Variants in TEX36 observed in about 807,000 individuals in gnomAD.
The protein encoded by TEX36 is testis expressed 36, also known as testis-expressed protein 36.
Under a neutral mutation model 13.6 loss-of-function variants are expected in TEX36, and 12 were observed. The observed-to-expected ratio is 0.88, with a 90% CI of 0.56 to 1.43. The LOEUF (loss-of-function observed/expected upper bound fraction) is 1.43, where lower values mean the gene tolerates loss of function less well. Ranked by LOEUF, TEX36 falls within the 40% of genes most tolerant of loss-of-function variation. The probability of loss-of-function intolerance (pLI) is 0.00; values close to 1 mark genes in which losing one functional copy is unlikely to be tolerated. For synonymous variants in TEX36, 93 were observed against 83.0 expected, an observed-to-expected ratio of 1.12 and a Z score of -0.65; for missense variants, 224 against 228.3, an observed-to-expected ratio of 0.98 and a Z score of 0.12.
intron 1 of TEX36, among the ~76,000 whole-genome samples, chr10:125,670,582 CTTTAG>C (rs1207438836): frequency 2.0e-5 from 3 of 152,120 alleles, no homozygotes; most frequent in Non-Finnish European, 4.4e-5. Context: ...TGCAGAAGCT[CTTTAG>C]TTTAATTAGA....
chr10:125,633,055 T>C (rs1262276929), intron 3 of TEX36, among the ~76,000 whole-genome samples: 1 of 151,856 alleles, frequency 6.6e-6, no homozygotes, highest in Non-Finnish European at 1.5e-5. Flanking sequence ...GCTTGGAAGG[T>C]AGAGGTTGCG....
At chr10:125,636,827 C>T (rs184654724) in intron 3 of TEX36, among the ~76,000 whole-genome samples, 1 of 152,240 alleles carries the variant, frequency 6.6e-6, no homozygotes, top group East Asian at 1.9e-4. Flanking sequence ...GTGTATAATA[C>T]GTTACTGTTG....
intron 3 of TEX36, among the ~76,000 whole-genome samples, chr10:125,600,443 C>A (rs554137921): frequency 7.2e-5 from 11 of 152,168 alleles, no homozygotes; most frequent in Non-Finnish European, 1.5e-4. Context: ...TCTGTGAGAT[C>A]CCTGCTGCTG....
At chr10:125,590,353 T>G (rs1467295942) in intron 3 of TEX36, among the ~76,000 whole-genome samples, 1 of 152,106 alleles carries the variant, frequency 6.6e-6, no homozygotes, top group African/African-American at 2.4e-5. Context: ...CTGGCCCAGG[T>G]GATCCTCCCA....
At chr10:125,633,208 G>A (rs992054928) in intron 3 of TEX36, among the ~76,000 whole-genome samples, 5 of 152,128 alleles carry the variant, frequency 3.3e-5, no homozygotes, top group East Asian at 1.9e-4. Context: ...CCCTAAAGAC[G>A]GTTAATTACC....
chr10:125,595,912 A>G (rs1846077426), intron 3 of TEX36, among the ~76,000 whole-genome samples: 1 of 152,198 alleles, frequency 6.6e-6, no homozygotes, highest in African/African-American at 2.4e-5. Context: ...ATGAATCCCA[A>G]AGTCCTGGAA....
intron 1 of TEX36, chr10:125,667,479 T>C (rs1009958264): frequency 1.4e-6 from 1 of 721,160 alleles, no homozygotes; most frequent in South Asian, 1.4e-5. Context: ...GCTGAGGGGG[T>C]GTGTTCCCCA....
intron 1 of TEX36, among the ~76,000 whole-genome samples, chr10:125,676,043 A>G (rs1334892780): frequency 1.3e-5 from 2 of 152,250 alleles, no homozygotes; most frequent in African/African-American, 2.4e-5. Flanking sequence ...CATATGGTCT[A>G]TCCTGGAGAA....
At chr10:125,621,205 G>T (rs924718215), downstream of TEX36, among the ~76,000 whole-genome samples, 2 of 152,036 alleles carry the variant, frequency 1.3e-5, no homozygotes, top group Non-Finnish European at 2.9e-5. Context: ...GAATATTTTG[G>T]ATATATACCC....
chr10:125,620,143 C>T (rs1846411877), downstream of TEX36, among the ~76,000 whole-genome samples: 1 of 152,080 alleles, frequency 6.6e-6, no homozygotes, highest in African/African-American at 2.4e-5. Flanking sequence ...AGGATTTGTC[C>T]TACTTGGGTC....
intron 3 of TEX36, among the ~76,000 whole-genome samples, chr10:125,602,773 ATG>A (rs1224390753): frequency 6.6e-6 from 1 of 152,224 alleles, no homozygotes; most frequent in Non-Finnish European, 1.5e-5. Flanking sequence ...TTAAAATTCT[ATG>A]TGTTTATATT....
At chr10:125,651,232 A>G (rs1846850470), downstream of TEX36, among the ~76,000 whole-genome samples, 1 of 152,226 alleles carries the variant, frequency 6.6e-6, no homozygotes, top group Non-Finnish European at 1.5e-5. Flanking sequence ...ATGAACACTC[A>G]TGCAAAAATC....
At position 125,612,644 on chromosome 10, in the gene TEX36, T is replaced by G. The variant is rs1258902706; in HGVS notation, c.265-35770A>C. ...GTTCATTGGGCAACTGTCCTCTTCTTACCTGCAGTAGCTCCCTTAGTAATC... is the reference window on the plus strand; with the variant it reads ...GTTCATTGGGCAACTGTCCTCTTCTGACCTGCAGTAGCTCCCTTAGTAATC... On this transcript the variant is annotated intron_variant, in intron 3 of 3. Coordinates refer to the TEX36 transcript ENST00000532135. Among the ~76,000 whole-genome samples, 3 of 152,302 alleles carry G rather than the reference T, an allele frequency of 2.0e-5. No individual in the cohort carries two copies. In the East Asian group the frequency reaches 5.8e-4, roughly 29 times the overall value.
At chr10:125,605,235 A>T (rs1846200680) in intron 3 of TEX36, among the ~76,000 whole-genome samples, 1 of 152,176 alleles carries the variant, frequency 6.6e-6, no homozygotes, top group South Asian at 2.1e-4. Flanking sequence ...TCCTTCCTAG[A>T]CAGCCCATAA....
At chr10:125,613,535 G>A (rs191202178) in intron 3 of TEX36, among the ~76,000 whole-genome samples, 4,576 of 146,750 alleles carry the variant, frequency 0.031, 115 homozygotes, top group Admixed American at 0.07. Flanking sequence ...GCGGTGTTTG[G>A]TTTTTTGTTC....
intron 3 of TEX36, among the ~76,000 whole-genome samples, chr10:125,597,055 T>C (rs1846088697): frequency 6.6e-6 from 1 of 152,122 alleles, no homozygotes; most frequent in Non-Finnish European, 1.5e-5. Context: ...CCAAAAAGAG[T>C]GACCCAAACC....
intron 3 of TEX36, among the ~76,000 whole-genome samples, chr10:125,625,789 C>T (rs79749701): frequency 3.2e-3 from 493 of 152,364 alleles, no homozygotes; most frequent in African/African-American, 8.0e-3. Flanking sequence ...CAGTGCAGAG[C>T]CACTTTCGTG....
chr10:125,613,605 T>C (rs1846319076), intron 3 of TEX36, among the ~76,000 whole-genome samples: 2 of 151,846 alleles, frequency 1.3e-5, no homozygotes, highest in Admixed American at 6.6e-5. Flanking sequence ...ACAAAGGACA[T>C]GAACTCATCA....
intron 3 of TEX36, among the ~76,000 whole-genome samples, chr10:125,645,859 G>C (rs1846760995): frequency 6.6e-6 from 1 of 152,090 alleles, no homozygotes; most frequent in Non-Finnish European, 1.5e-5. Flanking sequence ...ATGTGAAACA[G>C]TGACAGAAAT....
Sources: gnomAD v4.1 joint callset for allele counts (sites outside exome capture counted in the v4.1 genomes callset) on GRCh38, gnomAD v4.1.1 for gene constraint, MANE v1.5 for transcripts, NCBI Gene and HGNC (gene_info 2026-07-23, HGNC 2026-07-21) for gene names.